The following ASAH2 variants were observed in gnomAD, a reference collection of about 807,000 sequenced individuals.
ASAH2 encodes the protein N-acylsphingosine amidohydrolase 2, also known as neutral ceramidase.
Under a neutral mutation model 82.9 loss-of-function variants are expected in ASAH2, and 58 were observed. The observed-to-expected ratio is 0.70, with a 90% confidence interval of 0.57 to 0.87. The LOEUF is 0.87. Ranked by LOEUF, ASAH2 falls within the 40% of genes least tolerant of loss-of-function variation. The pLI, the probability that ASAH2 is intolerant of heterozygous loss-of-function variation, is 0.00. For synonymous variants in ASAH2, 276 were observed against 289.7 expected (o/e 0.95, Z 0.48); for missense variants, 779 against 834.0 (o/e 0.93, Z 0.81).
In ASAH2 at chr10:50,248,005, C is replaced by T. The variant is rs1311795275; in HGVS notation, c.127+479G>A. Reference sequence around the variant, plus strand: ...GTCTCCTCCTTGGTCCACCTCCTCACTCCACCTCATCTGCAAAACTTGATT... The same window carrying T: ...GTCTCCTCCTTGGTCCACCTCCTCATTCCACCTCATCTGCAAAACTTGATT... On this transcript the variant is annotated intron_variant, in intron 2 of 20. Transcript: ENST00000682911. Among the ~76,000 whole-genome samples, 3 of 152,228 alleles carry T rather than the reference C, an allele frequency of 2.0e-5. No individual in the cohort carries two copies. In the East Asian group the frequency reaches 5.8e-4, roughly 29 times the overall value.
At chr10:50,239,703 A>T (rs1306076727) in intron 4 of ASAH2, among the ~76,000 whole-genome samples, 1 of 152,102 alleles carries the variant, frequency 6.6e-6, no homozygotes, top group Non-Finnish European at 1.5e-5. Context: ...TACCTCCCTC[A>T]TAGAGTCGTT....
chr10:50,228,393 G>C (rs1325869234), intron 7 of ASAH2, among the ~76,000 whole-genome samples: 1 of 152,044 alleles, frequency 6.6e-6, no homozygotes, highest in Non-Finnish European at 1.5e-5. Context: ...GAAAACCATA[G>C]AGAATAAACA....
chr10:50,221,714 A>C (rs1053672247), intron 7 of ASAH2, among the ~76,000 whole-genome samples: 1 of 151,706 alleles, frequency 6.6e-6, no homozygotes, highest in Admixed American at 6.6e-5. Context: ...ATAGATAGAT[A>C]GATAGATAGA....
chr10:50,204,659 G>A (rs1845247720), intron 14 of ASAH2, among the ~76,000 whole-genome samples: 1 of 151,548 alleles, frequency 6.6e-6, no homozygotes, highest in Non-Finnish European at 1.5e-5. Flanking sequence ...TCTGCCTCAG[G>A]TGAGCCATCA....
intron 16 of ASAH2, among the ~76,000 whole-genome samples, chr10:50,202,366 T>C (rs1845172784): frequency 6.6e-6 from 1 of 151,110 alleles, no homozygotes; most frequent in Non-Finnish European, 1.5e-5. Context: ...TCTCTGGGAC[T>C]CTGTTTCTTG....
intron 7 of ASAH2, among the ~76,000 whole-genome samples, chr10:50,227,437 G>A (rs1437728957): frequency 1.3e-5 from 2 of 152,170 alleles, no homozygotes; most frequent in African/African-American, 4.8e-5. Flanking sequence ...CACGTTTACA[G>A]AATGAGCTTT....
chr10:50,214,676 TA>T, intron 9 of ASAH2, 66 bp downstream of exon 9: 1 of 1,587,690 alleles, frequency 6.3e-7, no homozygotes, highest in Non-Finnish European at 8.6e-7. Flanking sequence ...AAATTAATGA[TA>T]AATATTCAAA....
chr10:50,246,742 C>A (rs2043614), intron 2 of ASAH2, among the ~76,000 whole-genome samples: 43,972 of 152,040 alleles, frequency 0.29, 6,606 homozygotes, highest in Non-Finnish European at 0.31. Context: ...GTGGAGTTAG[C>A]ATCCATGTCT....
chr10:50,246,248 A>G (rs1369862), intron 2 of ASAH2, among the ~76,000 whole-genome samples: 65,667 of 151,950 alleles, frequency 0.43, 14,617 homozygotes, highest in African/African-American at 0.53. Context: ...TGAGCAAATC[A>G]CTTAGCCTAT....
At chr10:50,230,859 G>A (rs1846004244) in intron 7 of ASAH2, among the ~76,000 whole-genome samples, 1 of 151,902 alleles carries the variant, frequency 6.6e-6, no homozygotes, top group Admixed American at 6.6e-5. Context: ...TGGGCAACAA[G>A]CAAGACCCCA....
chr10:50,226,938 C>T (rs1845901675), intron 7 of ASAH2, among the ~76,000 whole-genome samples: 1 of 151,960 alleles, frequency 6.6e-6, no homozygotes, highest in Non-Finnish European at 1.5e-5. Context: ...TTTTTATAAA[C>T]TACAATCTGC....
chr10:50,218,489 T>A, intron 8 of ASAH2, 21 bp downstream of exon 8: 4 of 1,613,650 alleles, frequency 2.5e-6, no homozygotes, highest in Non-Finnish European at 3.4e-6. Flanking sequence ...AGATGAAGCT[T>A]TCAATGATAT....
In ASAH2 at chr10:50,187,387, C is replaced by T. The variant is rs1490488260; in HGVS notation, c.2271G>A (p.Gln757=). The change falls in exon 21 of 21, where the codon CAG becomes CAA. Residue 757 remains glutamine, a synonymous_variant. Coordinates refer to ENST00000682911, the MANE Select transcript of ASAH2 (RefSeq NM_019893.4). ...RIRYFGHNRK[Q]DILKPAVILS... ...GTATGACAGCAGGCTTCAGAATGTC[C>T]TGCTTCCGATTGTGTCCAAAATATC... The T allele has an allele frequency of 3.9e-5, 15 of 383,988 alleles. No individual in the cohort carries two copies. The Admixed American group carries it at 7.8e-4, about 20-fold the overall frequency. 23.8% of individuals were successfully genotyped at this position (383,988 alleles called of 1,614,324 possible).
chr10:50,203,617 A>G (rs1342261988), intron 15 of ASAH2, 23 bp downstream of exon 15: 8 of 1,603,502 alleles, frequency 5.0e-6, no homozygotes, highest in East Asian at 2.2e-5. Context: ...ACATGTAGAT[A>G]TGTTATTTTA....
At chr10:50,228,328 T>C (rs1316320152) in intron 7 of ASAH2, among the ~76,000 whole-genome samples, 2 of 152,024 alleles carry the variant, frequency 1.3e-5, no homozygotes, top group Non-Finnish European at 2.9e-5. Flanking sequence ...GTTTCAGCAT[T>C]TGCAATTTGA....
Position 50,214,744 on chromosome 10 carries a change from C to G in ASAH2, c.1139G>C (p.Gly380Ala), listed in dbSNP as rs750753468. The change falls in exon 9 of 21, where the codon GGG (glycine) becomes GCG (alanine). Residue 380 changes from glycine to alanine, a missense_variant and splice_region_variant. By Grantham distance (60) the Gly-to-Ala change is moderately conservative. This residue lies in a region of ASAH2 where 759 missense variants were observed against 755.2 expected (regional missense o/e 1.00). Transcript: ENST00000682911. Reference protein sequence around the residue: ...DNANSTCPIGGPSMCIAKGPG... With the variant: ...DNANSTCPIGAPSMCIAKGPG... ...ATTTCATGTGTCATAATTACCTACC[C>G]CACCAATGGGACAAGTGCTATTGGC... 6.2e-7 allele frequency: 1 copy of G among 1,613,484 alleles called. No homozygotes were observed. The highest frequency in any genetic ancestry group is 1.3e-5 in the African/African-American group (1 of 74,880).
At chr10:50,233,115 C>A in intron 7 of ASAH2, 69 bp downstream of exon 7, 1 of 1,157,660 alleles carries the variant, frequency 8.6e-7, no homozygotes. Context: ...CTATTCTAGT[C>A]TCTTTTCCCT....
intron 8 of ASAH2, 39 bp downstream of exon 8, chr10:50,218,471 G>A (rs1845666028): frequency 5.6e-6 from 9 of 1,613,222 alleles, no homozygotes; most frequent in Non-Finnish European, 7.6e-6. Flanking sequence ...ATGACACTCA[G>A]TGAATCAAGA....
At chr10:50,243,960 C>A (rs2133232824) in intron 3 of ASAH2, among the ~76,000 whole-genome samples, 1 of 152,134 alleles carries the variant, frequency 6.6e-6, no homozygotes, top group South Asian at 2.1e-4. Context: ...CCTTTACTGC[C>A]CATGACATGG....
Sources: allele counts gnomAD v4.1 joint callset (sites outside exome capture counted in the v4.1 genomes callset), GRCh38; gene constraint gnomAD v4.1.1; regional missense constraint gnomAD v4.1.1; transcripts MANE v1.5; gene names NCBI Gene and HGNC (gene_info 2026-07-23, HGNC 2026-07-21).